COL26A1: variants seen among roughly 807,000 people sequenced by gnomAD.
COL26A1 encodes collagen alpha-1(XXVI) chain.
Under a neutral mutation model 59.3 loss-of-function variants are expected in COL26A1, and 41 were observed. The ratio of observed to expected loss-of-function variants is 0.69; its 90% CI spans 0.54 to 0.90. The LOEUF (loss-of-function observed/expected upper bound fraction) is 0.90. Ranked by LOEUF, COL26A1 falls within the 40% of genes least tolerant of loss-of-function variation. The pLI is 0.00. For missense variants in COL26A1, 612 were observed against 602.3 expected (o/e 1.02, Z -0.17); for synonymous variants, 266 against 256.0 (o/e 1.04, Z -0.37).
At chr7:101,440,561 G>T (rs1224778289) in intron 2 of COL26A1, among the ~76,000 whole-genome samples, 2 of 152,188 alleles carry the variant, frequency 1.3e-5, no homozygotes, top group African/African-American at 4.8e-5. Context: ...GTCTTGGCCG[G>T]TTGGGATGGT....
At chr7:101,387,673 A>G (rs1005072477) in intron 1 of COL26A1, among the ~76,000 whole-genome samples, 13 of 140,808 alleles carry the variant, frequency 9.2e-5, no homozygotes, top group African/African-American at 3.2e-4. Context: ...ACATACATAT[A>G]TATATAAAGA....
At chr7:101,465,709 AAAAG>A (rs1793743692) in intron 3 of COL26A1, among the ~76,000 whole-genome samples, 2 of 150,752 alleles carry the variant, frequency 1.3e-5, no homozygotes, top group African/African-American at 4.9e-5. Flanking sequence ...AAAAAAAAAA[AAAAG>A]AAAAGAAAAA....
At chr7:101,516,285 G>A (rs1795027152) in intron 3 of COL26A1, among the ~76,000 whole-genome samples, 1 of 151,806 alleles carries the variant, frequency 6.6e-6, no homozygotes, top group Non-Finnish European at 1.5e-5. Flanking sequence ...TTTTTTTAGA[G>A]AGAGAAAGAG....
chr7:101,447,333 TC>T (rs1793220791), intron 2 of COL26A1, among the ~76,000 whole-genome samples: 1 of 151,940 alleles, frequency 6.6e-6, no homozygotes, highest in Admixed American at 6.6e-5. Context: ...AAGAAGGGGG[TC>T]TTTTTGGGAA....
intron 1 of COL26A1, chr7:101,388,987 C>T (rs1791660309): frequency 1.3e-5 from 4 of 297,884 alleles, no homozygotes; most frequent in Admixed American, 7.7e-5. Flanking sequence ...GGATTTTGGC[C>T]GCCATGGGGC....
At chr7:101,449,354 C>T (rs1184982547) in intron 3 of COL26A1, among the ~76,000 whole-genome samples, 1 of 152,218 alleles carries the variant, frequency 6.6e-6, no homozygotes, top group African/African-American at 2.4e-5. Context: ...CTGGTCCCCC[C>T]AACGGGATGG....
chr7:101,367,540 C>T (rs574887287), intron 1 of COL26A1, among the ~76,000 whole-genome samples: 3 of 151,432 alleles, frequency 2.0e-5, no homozygotes, highest in Admixed American at 6.6e-5. Context: ...TGGTGCACAC[C>T]GGTAGTCCCA....
At chr7:101,483,818 G>T (rs1794207756) in intron 3 of COL26A1, among the ~76,000 whole-genome samples, 1 of 151,982 alleles carries the variant, frequency 6.6e-6, no homozygotes, top group Non-Finnish European at 1.5e-5. Flanking sequence ...GGGATTACAG[G>T]CACACACCAC....
intron 3 of COL26A1, among the ~76,000 whole-genome samples, chr7:101,502,201 G>A (rs1277271586): frequency 6.6e-6 from 1 of 152,156 alleles, no homozygotes; most frequent in African/African-American, 2.4e-5. Context: ...AATTATCTGA[G>A]CATGGTGCCA....
At chr7:101,526,529 C>T (rs1323193396) in intron 3 of COL26A1, among the ~76,000 whole-genome samples, 4 of 152,218 alleles carry the variant, frequency 2.6e-5, no homozygotes, top group Non-Finnish European at 5.9e-5. Context: ...TCTTGTGGCT[C>T]AAGTAGACTC....
At chr7:101,511,416 A>G (rs1185614296) in intron 3 of COL26A1, among the ~76,000 whole-genome samples, 1 of 152,202 alleles carries the variant, frequency 6.6e-6, no homozygotes, top group Non-Finnish European at 1.5e-5. Context: ...TCCCAGAACA[A>G]ATCCTGATTC....
At chr7:101,434,202 C>T (rs973022871) in intron 2 of COL26A1, among the ~76,000 whole-genome samples, 5 of 138,844 alleles carry the variant, frequency 3.6e-5, no homozygotes, top group African/African-American at 1.1e-4. Flanking sequence ...CTCTCTCTCT[C>T]CCGCCCCACC....
intron 3 of COL26A1, among the ~76,000 whole-genome samples, chr7:101,510,530 G>A (rs1011256354): frequency 6.6e-5 from 10 of 152,110 alleles, no homozygotes; most frequent in Admixed American, 5.9e-4. Context: ...CCTGCCTTCT[G>A]ACACAGCTGC....
chr7:101,367,525 C>T (rs1398771484), intron 1 of COL26A1, among the ~76,000 whole-genome samples: 6 of 106,930 alleles, frequency 5.6e-5, no homozygotes, highest in East Asian at 6.3e-4. Flanking sequence ...ATTAGCCGGG[C>T]GTGGTGGTGC....
In COL26A1 at chr7:101,363,049, T is replaced by G; in HGVS notation, c.17T>G (p.Leu6Arg). The G allele has an allele frequency of 6.3e-7, 1 of 1,581,616 alleles. No homozygotes were observed. The highest frequency in any genetic ancestry group is 8.5e-7 in the Non-Finnish European group (1 of 1,172,740). Residue 6 changes from leucine to arginine, a missense_variant, in exon 1 of 13, where the codon CTC becomes CGC. By Grantham distance (102) the Leu-to-Arg change is moderately radical (BLOSUM62 -2). Transcript: ENST00000313669. ...CTGCGCACGATGAAGCTGGCCCTGC[T>G]CCTGCCCTGGGCGTGTTGCTGCCTC... The part of the protein sequence containing the change: MKLAL[L>R]LPWACCCLCG...
chr7:101,430,176 A>G (rs1792746476), intron 2 of COL26A1, among the ~76,000 whole-genome samples: 1 of 152,032 alleles, frequency 6.6e-6, no homozygotes, highest in Non-Finnish European at 1.5e-5. Flanking sequence ...CAAATCTTAT[A>G]CTTATTTTGT....
At chr7:101,522,145 C>T (rs1795153106) in intron 3 of COL26A1, among the ~76,000 whole-genome samples, 1 of 152,130 alleles carries the variant, frequency 6.6e-6, no homozygotes, top group Non-Finnish European at 1.5e-5. Flanking sequence ...CTTGTTCTCT[C>T]ATCTAGAAGT....
At chr7:101,484,432 G>A (rs1224198179) in intron 3 of COL26A1, among the ~76,000 whole-genome samples, 5 of 151,798 alleles carry the variant, frequency 3.3e-5, no homozygotes, top group East Asian at 1.9e-4. Context: ...ATGCAGTGGC[G>A]TGATCTTGGC....
chr7:101,410,411 CT>C (rs1311823738), intron 1 of COL26A1, among the ~76,000 whole-genome samples: 1 of 150,842 alleles, frequency 6.6e-6, no homozygotes, highest in Non-Finnish European at 1.5e-5. Context: ...AGTTACATGA[CT>C]AAGGATCATT....
Sources: gnomAD v4.1 joint callset for allele counts (sites outside exome capture counted in the v4.1 genomes callset) on GRCh38, gnomAD v4.1.1 for gene constraint, MANE v1.5 for transcripts, NCBI Gene and HGNC (gene_info 2026-07-23, HGNC 2026-07-21) for gene names.